Variants in CTNNA3 observed in about 807,000 individuals in gnomAD.
CTNNA3 encodes catenin alpha-3.
CTNNA3 carries 76 observed loss-of-function variants against 95.7 expected under a neutral mutation model. The observed-to-expected ratio is 0.79, with a 90% CI of 0.66 to 0.96. CTNNA3 has a LOEUF of 0.96. CTNNA3 is among the 40% of genes least tolerant of loss of function. CTNNA3 has a pLI of 0.00. For synonymous variants in CTNNA3, 431 were observed against 374.4 expected (o/e 1.15, Z -1.74); for missense variants, 1,191 against 1,089.8 (o/e 1.09, Z -1.31).
intron 5 of CTNNA3, among the ~76,000 whole-genome samples, chr10:67,296,660 G>A (rs563586035): frequency 3.3e-5 from 5 of 152,050 alleles, no homozygotes; most frequent in East Asian, 1.9e-4. Flanking sequence ...TGGGCCGGGC[G>A]TGGCAGCTCA....
At chr10:67,259,751 C>T (rs896793931) in intron 5 of CTNNA3, among the ~76,000 whole-genome samples, 8 of 152,158 alleles carry the variant, frequency 5.3e-5, no homozygotes, top group African/African-American at 1.9e-4. Flanking sequence ...CTCAGTTTCT[C>T]AGCTGCAGGA....
At chr10:66,418,315 A>G (rs1371132252) in intron 11 of CTNNA3, among the ~76,000 whole-genome samples, 1 of 151,260 alleles carries the variant, frequency 6.6e-6, no homozygotes, top group South Asian at 2.1e-4. Flanking sequence ...ACTTACCAAG[A>G]TTGAATCAGG....
intron 2 of CTNNA3, among the ~76,000 whole-genome samples, chr10:67,632,174 C>G (rs1029674355): frequency 3.0e-5 from 4 of 134,008 alleles, no homozygotes; most frequent in Non-Finnish European, 6.2e-5. Flanking sequence ...ACAGTGGTAA[C>G]TATGGGTAGA....
chr10:67,051,140 A>G (rs1029695198), intron 7 of CTNNA3, among the ~76,000 whole-genome samples: 2 of 152,250 alleles, frequency 1.3e-5, no homozygotes, highest in Non-Finnish European at 2.9e-5. Flanking sequence ...CCAAAATCAT[A>G]GTGGAGATTC....
At chr10:66,189,447 C>T (rs1228862078) in intron 13 of CTNNA3, among the ~76,000 whole-genome samples, 1 of 151,680 alleles carries the variant, frequency 6.6e-6, no homozygotes, top group Non-Finnish European at 1.5e-5. Context: ...GTTTTCCAAA[C>T]ACCATTTATT....
At chr10:66,825,283 A>ATT (rs34841308) in intron 7 of CTNNA3, among the ~76,000 whole-genome samples, 118 of 137,254 alleles carry the variant, frequency 8.6e-4, no homozygotes, top group African/African-American at 2.0e-3. Flanking sequence ...ATATATATAT[A>ATT]TTTTTTTTTT....
chr10:66,817,834 C>CTA (rs1842148562), intron 7 of CTNNA3, among the ~76,000 whole-genome samples: 1 of 151,612 alleles, frequency 6.6e-6, no homozygotes, highest in Non-Finnish European at 1.5e-5. Flanking sequence ...CTAAAGACAC[C>CTA]ATGAAAAAAG....
At chr10:66,521,561 T>C (rs1235524081) in intron 10 of CTNNA3, among the ~76,000 whole-genome samples, 1 of 152,172 alleles carries the variant, frequency 6.6e-6, no homozygotes. Flanking sequence ...GCAGAAGCAC[T>C]GTAATGGTGA....
At chr10:67,146,055 C>T (rs1171505656) in intron 7 of CTNNA3, among the ~76,000 whole-genome samples, 1 of 152,018 alleles carries the variant, frequency 6.6e-6, no homozygotes, top group Non-Finnish European at 1.5e-5. Flanking sequence ...TTCTATGGAT[C>T]CATGTACTGC....
chr10:66,466,339 TACACACACACACACAC>T (rs143601111), intron 11 of CTNNA3, among the ~76,000 whole-genome samples: 2 of 141,846 alleles, frequency 1.4e-5, no homozygotes, highest in Non-Finnish European at 3.1e-5. Context: ...CACCCACCTA[TACACACACACACACAC>T]ACACACACAC....
chr10:65,966,782 G>A, intron 16 of CTNNA3, 36 bp from the exon 17 acceptor site: 7 of 1,528,788 alleles, frequency 4.6e-6, no homozygotes, highest in Non-Finnish European at 6.3e-6. Context: ...AGATACAGCA[G>A]AATAAATAAT....
chr10:67,213,452 T>C (rs1403003972), intron 6 of CTNNA3, among the ~76,000 whole-genome samples: 1 of 151,746 alleles, frequency 6.6e-6, no homozygotes, highest in East Asian at 1.9e-4. Context: ...ATTTAATTAA[T>C]TTCTATTCTT....
chr10:66,578,098 A>T (rs909017978), intron 10 of CTNNA3, among the ~76,000 whole-genome samples: 1 of 152,030 alleles, frequency 6.6e-6, no homozygotes, highest in African/African-American at 2.4e-5. Flanking sequence ...TGTAAGTGAC[A>T]CTGTGTTCAT....
chr10:67,442,041 T>A (rs1846537505), intron 5 of CTNNA3, among the ~76,000 whole-genome samples: 1 of 152,128 alleles, frequency 6.6e-6, no homozygotes, highest in Non-Finnish European at 1.5e-5. Flanking sequence ...CAATAAGACC[T>A]AAGAGAAACA....
intron 13 of CTNNA3, among the ~76,000 whole-genome samples, chr10:66,193,506 A>G (rs1440575861): frequency 6.6e-6 from 1 of 152,222 alleles, no homozygotes; most frequent in Non-Finnish European, 1.5e-5. Context: ...AGAAGAAGCC[A>G]TATATAATCA....
intron 3 of CTNNA3, among the ~76,000 whole-genome samples, chr10:67,584,040 G>GAAC (rs1214103010): frequency 4.6e-5 from 7 of 152,122 alleles, no homozygotes; most frequent in Admixed American, 4.6e-4. Flanking sequence ...TGTTATTCCT[G>GAAC]ATCATCTGAA....
At position 67,233,425 on chromosome 10, in the gene CTNNA3, G is replaced by A. The variant is rs541595268; in HGVS notation, c.580-13555C>T. ...CCTGAATGACTACTGGGTACATAACGAAATGAAGGCAGAAATAAAGATGTT... is the reference window on the plus strand; with the variant it reads ...CCTGAATGACTACTGGGTACATAACAAAATGAAGGCAGAAATAAAGATGTT... On this transcript the variant is annotated intron_variant, in intron 5 of 17. Coordinates refer to ENST00000433211, the MANE Select transcript of CTNNA3 (RefSeq NM_013266.4). Among the ~76,000 whole-genome samples the A allele has an allele frequency of 1.7e-4, 25 of 148,750 alleles. No homozygotes were observed. The East Asian group carries it at 2.2e-3, about 13-fold the overall frequency.
intron 5 of CTNNA3, among the ~76,000 whole-genome samples, chr10:67,344,772 G>C (rs948964196): frequency 6.6e-6 from 1 of 151,532 alleles, no homozygotes; most frequent in Non-Finnish European, 1.5e-5. Flanking sequence ...TGTCAATTTT[G>C]TTTAGCTTTT....
At chr10:66,830,763 T>A (rs959947679) in intron 7 of CTNNA3, among the ~76,000 whole-genome samples, 1 of 151,864 alleles carries the variant, frequency 6.6e-6, no homozygotes, top group Non-Finnish European at 1.5e-5. Context: ...GCGCCCGCCA[T>A]CACGCCCGGC....
Sources: gnomAD v4.1 joint callset for allele counts (sites outside exome capture counted in the v4.1 genomes callset) on GRCh38, gnomAD v4.1.1 for gene constraint, MANE v1.5 for transcripts, NCBI Gene and HGNC (gene_info 2026-07-23, HGNC 2026-07-21) for gene names.